OXR1: variants seen among roughly 807,000 people sequenced by gnomAD.
The protein encoded by OXR1 is oxidation resistance protein 1.
A neutral mutation model predicts 104.6 loss-of-function variants in OXR1; 41 were observed. The ratio of observed to expected loss-of-function variants is 0.39; its 90% CI spans 0.31 to 0.51. OXR1 has a LOEUF of 0.51. Among genes scored for constraint, OXR1 ranks in the 20% least tolerant of loss-of-function variants. The pLI, the probability that OXR1 is intolerant of heterozygous loss-of-function variation, is 0.77. For synonymous variants in OXR1, 348 were observed against 348.4 expected, an observed-to-expected ratio of 1.00 and a Z score of 0.01; for missense variants, 955 against 1,031.9, an observed-to-expected ratio of 0.93 and a Z score of 1.02.
At chr8:106,277,469 A>G (rs1812096700) in intron 1 of OXR1, among the ~76,000 whole-genome samples, 1 of 152,278 alleles carries the variant, frequency 6.6e-6, no homozygotes, top group African/African-American at 2.4e-5. Context: ...CTTGCAAGTG[A>G]TCATTTATGC....
chr8:106,470,078 A>G (rs1438112782), intron 2 of OXR1, among the ~76,000 whole-genome samples: 1 of 151,772 alleles, frequency 6.6e-6, no homozygotes, highest in Non-Finnish European at 1.5e-5. Context: ...TGAGTTAGTG[A>G]AAGAATAGTA....
chr8:106,361,782 C>T (rs935861689), intron 2 of OXR1, among the ~76,000 whole-genome samples: 1 of 152,022 alleles, frequency 6.6e-6, no homozygotes, highest in Non-Finnish European at 1.5e-5. Context: ...AATCCAGAAA[C>T]AAAGACATGA....
At chr8:106,357,229 C>CTTT in intron 1 of OXR1, among the ~76,000 whole-genome samples, 1 of 146,142 alleles carries the variant, frequency 6.8e-6, no homozygotes, top group East Asian at 2.0e-4. Context: ...TATATATATG[C>CTTT]TTTTTTTTTT....
intron 2 of OXR1, among the ~76,000 whole-genome samples, chr8:106,379,023 T>C (rs1448508184): frequency 1.3e-5 from 2 of 152,198 alleles, no homozygotes; most frequent in African/African-American, 4.8e-5. Context: ...TTTGACCCAA[T>C]CAGGATAAGT....
At chr8:106,685,189 T>A (rs1479037138) in intron 6 of OXR1, among the ~76,000 whole-genome samples, 2 of 152,196 alleles carry the variant, frequency 1.3e-5, no homozygotes, top group Non-Finnish European at 2.9e-5. Context: ...AAAGTCAGGT[T>A]TTAATGGTAG....
intron 1 of OXR1, among the ~76,000 whole-genome samples, chr8:106,336,610 A>G (rs1814977544): frequency 6.6e-6 from 1 of 152,216 alleles, no homozygotes; most frequent in African/African-American, 2.4e-5. Flanking sequence ...AACTAACATC[A>G]GGTGGAGTGT....
In OXR1 at chr8:106,420,730, TTG is replaced by T. The variant is rs6150748; in HGVS notation, c.23+61122_23+61123del. 3.9e-3 allele frequency among the ~76,000 whole-genome samples: 574 copies of T among 146,840 alleles called. 1 individual carries two copies. Among genetic ancestry groups the T allele is most frequent in the East Asian group, 0.011 (56 of 5,004 alleles). On this transcript the variant is annotated intron_variant, in intron 2 of 16. Coordinates refer to ENST00000517566, the MANE Select transcript of OXR1 (RefSeq NM_001198533.2). Reference sequence around the variant, plus strand: ...CATGCTCTGACAATGCATTAAAATATTGTGTGTGTGTGTGTGTGTGTGTGTGT... The same window carrying T: ...CATGCTCTGACAATGCATTAAAATATTGTGTGTGTGTGTGTGTGTGTGTGT...
At chr8:106,693,422 A>ATT (rs1328994007) in intron 7 of OXR1, among the ~76,000 whole-genome samples, 1 of 125,254 alleles carries the variant, frequency 8.0e-6, no homozygotes, top group Non-Finnish European at 1.7e-5. Context: ...CCTAGTCAGA[A>ATT]TCTTTTTTTT....
chr8:106,473,464 G>C (rs1821626368), intron 2 of OXR1, among the ~76,000 whole-genome samples: 1 of 151,842 alleles, frequency 6.6e-6, no homozygotes. Flanking sequence ...TCAAAGAAAT[G>C]TTAGGGTTCT....
At chr8:106,513,552 T>A (rs916140594) in intron 2 of OXR1, among the ~76,000 whole-genome samples, 1 of 152,138 alleles carries the variant, frequency 6.6e-6, no homozygotes, top group Admixed American at 6.6e-5. Flanking sequence ...CTTGTTATCC[T>A]TCACTCCTCC....
chr8:106,591,179 T>C (rs1271960461), intron 3 of OXR1, among the ~76,000 whole-genome samples: 2 of 150,034 alleles, frequency 1.3e-5, no homozygotes, highest in Non-Finnish European at 3.0e-5. Context: ...CAGCAAACTA[T>C]CGCAAGGACA....
intron 3 of OXR1, among the ~76,000 whole-genome samples, chr8:106,647,425 T>G (rs1000652756): frequency 1.3e-5 from 2 of 152,184 alleles, no homozygotes; most frequent in African/African-American, 4.8e-5. Context: ...GGGACACAGG[T>G]GGCAGTCTCA....
At position 106,658,274 on chromosome 8, in the gene OXR1, C is replaced by G. The variant is rs868780912; in HGVS notation, c.221-20936C>G. The G allele has an allele frequency of 4.4e-5, 53 of 1,216,964 alleles. No homozygotes were observed. The Middle Eastern group carries it at 9.4e-4, about 22-fold the overall frequency. The allele number at this position is 1,216,964 out of a possible 1,614,324, so 75.4% of individuals were successfully genotyped here. A position where few individuals can be genotyped will look rare whatever the true frequency, so the allele number is the denominator to read the frequency against. Reference sequence around the variant, plus strand: ...CGGTCGTGGCGCCGGGCGGGGGTCGCTGCCCGGCTCTGGCAGGTGTGCCTG... The same window carrying G: ...CGGTCGTGGCGCCGGGCGGGGGTCGGTGCCCGGCTCTGGCAGGTGTGCCTG... On this transcript the variant is annotated intron_variant, in intron 3 of 16. Transcript: ENST00000517566.
chr8:106,600,044 T>A (rs1196688754), intron 3 of OXR1, among the ~76,000 whole-genome samples: 1 of 152,244 alleles, frequency 6.6e-6, no homozygotes, highest in Non-Finnish European at 1.5e-5. Flanking sequence ...ACTGCTCATC[T>A]TCTGCTTTGC....
intron 2 of OXR1, among the ~76,000 whole-genome samples, chr8:106,517,323 C>G (rs992782250): frequency 6.6e-6 from 1 of 152,116 alleles, no homozygotes; most frequent in African/African-American, 2.4e-5. Context: ...TTGCTCAAAA[C>G]TATTTTTATG....
At chr8:106,609,163 C>A (rs1339815937) in intron 3 of OXR1, among the ~76,000 whole-genome samples, 1 of 152,044 alleles carries the variant, frequency 6.6e-6, no homozygotes, top group Non-Finnish European at 1.5e-5. Context: ...AATCCCAGCA[C>A]TTTGAGAGGC....
At chr8:106,345,122 CTATTT>C (rs1309479801) in intron 1 of OXR1, among the ~76,000 whole-genome samples, 2 of 152,184 alleles carry the variant, frequency 1.3e-5, no homozygotes, top group Non-Finnish European at 2.9e-5. Context: ...AGCAGGGAGC[CTATTT>C]TATTATTTCT....
chr8:106,421,734 A>G (rs1291892114), intron 2 of OXR1, among the ~76,000 whole-genome samples: 1 of 108,800 alleles, frequency 9.2e-6, no homozygotes, highest in African/African-American at 4.2e-5. Context: ...AAGAAACTAT[A>G]TCAAATTTGC....
chr8:106,370,609 G>C (rs1224446773), intron 2 of OXR1, among the ~76,000 whole-genome samples: 1 of 152,084 alleles, frequency 6.6e-6, no homozygotes, highest in Non-Finnish European at 1.5e-5. Context: ...TAACATGAAG[G>C]GATGTTGAAT....
Sources: gnomAD v4.1 joint callset for allele counts (sites outside exome capture counted in the v4.1 genomes callset) on GRCh38, gnomAD v4.1.1 for gene constraint, MANE v1.5 for transcripts, NCBI Gene and HGNC (gene_info 2026-07-23, HGNC 2026-07-21) for gene names.